LDB2: variants seen among roughly 807,000 people sequenced by gnomAD.
LDB2 encodes LIM domain-binding protein 2.
LDB2 carries 12 observed loss-of-function variants against 44.3 expected under a neutral mutation model. The ratio of observed to expected loss-of-function variants is 0.27; its 90% CI spans 0.17 to 0.44. LDB2 has a LOEUF of 0.44. LDB2 is among the 20% of genes least tolerant of loss of function. The pLI, the probability that LDB2 is intolerant of heterozygous loss-of-function variation, is 1.00. For missense variants in LDB2, 344 were observed against 473.5 expected (o/e 0.73, Z 2.54); for synonymous variants, 164 against 174.8 (o/e 0.94, Z 0.49).
intron 1 of LDB2, among the ~76,000 whole-genome samples, chr4:16,853,124 G>A (rs1788615210): frequency 6.6e-6 from 1 of 152,156 alleles, no homozygotes; most frequent in Non-Finnish European, 1.5e-5. Context: ...TATGCTACAA[G>A]AATTAAGAAG....
At chr4:16,650,682 C>G (rs930380254) in intron 2 of LDB2, among the ~76,000 whole-genome samples, 2 of 152,216 alleles carry the variant, frequency 1.3e-5, no homozygotes, top group African/African-American at 4.8e-5. Flanking sequence ...TGGACTACGA[C>G]ATGGCTCTGC....
chr4:16,849,136 T>C (rs1157075387), intron 1 of LDB2, among the ~76,000 whole-genome samples: 1 of 152,186 alleles, frequency 6.6e-6, no homozygotes, highest in East Asian at 1.9e-4. Flanking sequence ...CCATATTCAT[T>C]TTTTTCCCTC....
At chr4:16,722,999 G>C (rs541758125) in intron 2 of LDB2, among the ~76,000 whole-genome samples, 1 of 152,262 alleles carries the variant, frequency 6.6e-6, no homozygotes, top group South Asian at 2.1e-4. Context: ...AATTGAAAGT[G>C]TATTTTTGGC....
At chr4:16,859,045 G>C (rs1268366043) in intron 1 of LDB2, among the ~76,000 whole-genome samples, 1 of 152,060 alleles carries the variant, frequency 6.6e-6, no homozygotes, top group African/African-American at 2.4e-5. Flanking sequence ...AGATTACTAA[G>C]TGCCAGGCAC....
chr4:16,536,027 C>T (rs1304563386), intron 5 of LDB2, among the ~76,000 whole-genome samples: 1 of 152,164 alleles, frequency 6.6e-6, no homozygotes, highest in Non-Finnish European at 1.5e-5. Flanking sequence ...CTGCATAGCA[C>T]AAAAACCCAA....
intron 2 of LDB2, among the ~76,000 whole-genome samples, chr4:16,684,948 A>G (rs1748853360): frequency 6.6e-6 from 1 of 152,228 alleles, no homozygotes; most frequent in Non-Finnish European, 1.5e-5. Context: ...CTGTGTTCCA[A>G]TAAAACTTTA....
rs530580692 is a variant in LDB2 at position 16,717,595 on chromosome 4, T to C, written c.235+41563A>G. On this transcript the variant is annotated intron_variant, in intron 2 of 7. Transcript: ENST00000304523. ...ATAATCATATAAAAAGTTTTCTGTA[T>C]GTCTCAAAGCATCAGCATTTAGCTG... is the stretch of plus-strand genomic sequence containing the variant. 9.2e-5 allele frequency among the ~76,000 whole-genome samples: 14 copies of C among 152,334 alleles called. No individual in the cohort carries two copies. The South Asian group carries it at 2.1e-3, about 23-fold the overall frequency.
intron 2 of LDB2, among the ~76,000 whole-genome samples, chr4:16,694,232 A>G (rs1015577536): frequency 6.6e-6 from 1 of 152,190 alleles, no homozygotes; most frequent in Non-Finnish European, 1.5e-5. Context: ...CCTGACCCTG[A>G]TGGTTGCTTG....
At chr4:16,833,445 A>G (rs532898768) in intron 1 of LDB2, among the ~76,000 whole-genome samples, 3 of 152,088 alleles carry the variant, frequency 2.0e-5, no homozygotes, top group Non-Finnish European at 4.4e-5. Context: ...CATTCTTTGT[A>G]TACTTATTGA....
chr4:16,865,967 C>T (rs1580340290), intron 1 of LDB2, among the ~76,000 whole-genome samples: 3 of 152,192 alleles, frequency 2.0e-5, no homozygotes, highest in African/African-American at 7.2e-5. Context: ...GGAGAAACTT[C>T]CTCTCTAAAT....
At chr4:16,560,579 C>G (rs1383458973) in intron 5 of LDB2, among the ~76,000 whole-genome samples, 3 of 152,140 alleles carry the variant, frequency 2.0e-5, no homozygotes, top group Non-Finnish European at 2.9e-5. Context: ...TAATCAATAG[C>G]TTACCAACCA....
At chr4:16,809,916 T>C (rs1029103696) in intron 1 of LDB2, among the ~76,000 whole-genome samples, 1 of 152,162 alleles carries the variant, frequency 6.6e-6, no homozygotes, top group South Asian at 2.1e-4. Flanking sequence ...CGGCGGTAAA[T>C]AACTAACAAG....
intron 5 of LDB2, among the ~76,000 whole-genome samples, chr4:16,513,076 CAT>C (rs761892871): frequency 3.0e-4 from 46 of 152,190 alleles, no homozygotes; most frequent in Non-Finnish European, 5.3e-4. Context: ...TTATGAAAGA[CAT>C]GTGCAGTCTT....
At chr4:16,809,744 A>AC (rs1554031285) in intron 1 of LDB2, among the ~76,000 whole-genome samples, 2,371 of 147,516 alleles carry the variant, frequency 0.016, 54 homozygotes, top group African/African-American at 0.055. Flanking sequence ...AAACAAACAA[A>AC]AAAAAAACGG....
At position 16,790,858 on chromosome 4, in the gene LDB2, A is replaced by G. The variant is rs114314718; in HGVS notation, c.133-31598T>C. ...GAAAAAAAAATTGCCTAAAACCCAA[A>G]GCAATGTGTGAAACTGTTAAATTGT... is the stretch of plus-strand genomic sequence containing the variant. On this transcript the variant is annotated intron_variant, in intron 1 of 7. Coordinates refer to ENST00000304523, the MANE Select transcript of LDB2 (RefSeq NM_001290.5). 5.6e-3 allele frequency among the ~76,000 whole-genome samples: 860 copies of G among 152,284 alleles called. 10 individuals are homozygous for G. Among genetic ancestry groups the G allele is most frequent in the African/African-American group, 0.019 (808 of 41,550 alleles).
chr4:16,627,605 T>C (rs1378545627), intron 2 of LDB2, among the ~76,000 whole-genome samples: 1 of 152,222 alleles, frequency 6.6e-6, no homozygotes, highest in Non-Finnish European at 1.5e-5. Context: ...ATTACTTTCC[T>C]AAGCGTACAC....
intron 5 of LDB2, among the ~76,000 whole-genome samples, chr4:16,567,992 T>C (rs976850050): frequency 7.2e-5 from 11 of 152,132 alleles, no homozygotes; most frequent in African/African-American, 2.7e-4. Context: ...CGGTGAGAAA[T>C]GGAAAATCAT....
intron 5 of LDB2, among the ~76,000 whole-genome samples, chr4:16,526,657 CAT>C (rs2152290240): frequency 6.6e-6 from 1 of 152,286 alleles, no homozygotes; most frequent in East Asian, 1.9e-4. Flanking sequence ...AAGATGGCAG[CAT>C]GAGAAGGACT....
intron 1 of LDB2, among the ~76,000 whole-genome samples, chr4:16,855,624 T>C (rs913801100): frequency 1.1e-4 from 16 of 152,118 alleles, no homozygotes; most frequent in African/African-American, 2.9e-4. Flanking sequence ...GTATTTATTG[T>C]CAATGACAAA....
Sources: gnomAD v4.1 joint callset for allele counts (sites outside exome capture counted in the v4.1 genomes callset) on GRCh38, gnomAD v4.1.1 for gene constraint, MANE v1.5 for transcripts, NCBI Gene and HGNC (gene_info 2026-07-23, HGNC 2026-07-21) for gene names.